The following ABCA12 variants were observed in gnomAD, a reference collection of about 807,000 sequenced individuals.
The protein encoded by ABCA12 is ATP binding cassette subfamily A member 12, also known as glucosylceramide transporter ABCA12.
A neutral mutation model predicts 293.5 loss-of-function variants in ABCA12; 156 were observed. The ratio of observed to expected loss-of-function variants is 0.53; its 90% confidence interval spans 0.47 to 0.61. ABCA12 has a LOEUF of 0.61. Ranked by LOEUF, ABCA12 falls within the 20% of genes least tolerant of loss-of-function variation. The pLI, the probability that ABCA12 is intolerant of heterozygous loss-of-function variation, is 0.00. For missense variants in ABCA12, 2,797 were observed against 3,090.2 expected (o/e 0.91, Z 2.25); for synonymous variants, 1,063 against 1,108.0 (o/e 0.96, Z 0.81).
At chr2:215,055,541 G>A (rs1345818273) in intron 3 of ABCA12, among the ~76,000 whole-genome samples, 1 of 151,922 alleles carries the variant, frequency 6.6e-6, no homozygotes, top group African/African-American at 2.4e-5. Flanking sequence ...AAAAGTTGGT[G>A]TATTTTATGT....
rs962250290 is a variant in ABCA12, at chr2:214,937,619, G to A, written c.7437-4C>T. On this transcript the variant is annotated splice_polypyrimidine_tract_variant and splice_region_variant and intron_variant, in intron 50 of 52. Coordinates refer to ENST00000272895, the MANE Select transcript of ABCA12 (RefSeq NM_173076.3). ...GACAGTAAATCCTCGTCCAAACCTA[G>A]AAAGAAAAAGTGCAAAATATGATAT... The A allele has an allele frequency of 2.5e-6, 4 of 1,610,672 alleles. No individual in the cohort carries two copies. In the South Asian group the frequency reaches 4.4e-5, roughly 18 times the overall value.
At chr2:214,963,605 C>CAAAAAAAAAAAAA (rs57895778) in intron 39 of ABCA12, among the ~76,000 whole-genome samples, 1 of 70,184 alleles carries the variant, frequency 1.4e-5, no homozygotes, top group African/African-American at 5.7e-5. Context: ...GCAGAGATAC[C>CAAAAAAAAAAAAA]AAAAAAAAAA....
At chr2:214,994,664 T>TA (rs370225236) in intron 23 of ABCA12, among the ~76,000 whole-genome samples, 35 of 152,356 alleles carry the variant, frequency 2.3e-4, no homozygotes, top group African/African-American at 8.4e-4. Context: ...TTGTTTTTTT[T>TA]AGTATGATAT....
At chr2:215,025,275 A>T (rs1320930981) in intron 11 of ABCA12, 2 of 166,640 alleles carry the variant, frequency 1.2e-5, no homozygotes, top group African/African-American at 4.8e-5. Context: ...AAAAAAAAAT[A>T]CCATTATATA....
In ABCA12 at chr2:215,000,985, G is replaced by T; in HGVS notation, c.2899C>A (p.His967Asn). 6.2e-7 allele frequency: 1 copy of T among 1,614,010 alleles called. No individual in the cohort carries two copies. Among genetic ancestry groups the T allele is most frequent in the Non-Finnish European group, 8.5e-7 (1 of 1,179,944 alleles). Reference sequence around the variant, plus strand: ...ACATTTCCAGAGTCATAGCCTCTGTGCCAGCTTCTGTTAGAAGGAAGCTTA... The same window carrying T: ...ACATTTCCAGAGTCATAGCCTCTGTTCCAGCTTCTGTTAGAAGGAAGCTTA... ...IFKLPSNRSW[H>N]RGYDSGNVFL... The change falls in exon 22 of 53, where the codon CAC becomes AAC. Residue 967 changes from histidine to asparagine, a missense_variant. Physicochemically the swap from His to Asn is moderately conservative, Grantham distance 68. This residue lies in a region of ABCA12 where 2,130 missense variants were observed against 2,427.0 expected (regional missense o/e 0.88). Transcript: ENST00000272895.
At chr2:214,978,780 A>C (rs1379372167) in intron 32 of ABCA12, 24 bp downstream of exon 32, 3 of 1,608,900 alleles carry the variant, frequency 1.9e-6, no homozygotes, top group Non-Finnish European at 2.6e-6. Context: ...AGCTTGAAGA[A>C]AAAAAAGAAA....
rs541331115 is a variant in ABCA12, at chr2:214,974,847, G to A, written c.5399C>T (p.Thr1800Met). ...CCACATTGCTGAGACAAGTGCTTCC[G>A]TGCTCGGGTGATAATTACTGCAATA... is the stretch of plus-strand genomic sequence containing the variant. ...TAFYANYHPS[T>M]EALVSAMWDF... Residue 1800 changes from threonine to methionine, a missense_variant, in exon 35 of 53, where the codon ACG (threonine) becomes ATG (methionine). Thr to Met is a moderately conservative substitution (Grantham distance 81, BLOSUM62 -1). Around this residue, in one of 3 missense-constraint regions of ABCA12, gnomAD observed 2,130 missense variants for 2,427.0 expected, o/e 0.88. Coordinates refer to ENST00000272895, the MANE Select transcript of ABCA12 (RefSeq NM_173076.3). 54 of 1,613,988 alleles carry A rather than the reference G, an allele frequency of 3.3e-5. No homozygotes were observed. Among genetic ancestry groups the A allele is most frequent in the East Asian group, 4.5e-5 (2 of 44,870 alleles).
intron 3 of ABCA12, among the ~76,000 whole-genome samples, chr2:215,055,009 A>T (rs1024124054): frequency 1.3e-5 from 2 of 152,126 alleles, no homozygotes; most frequent in African/African-American, 4.8e-5. Context: ...AACAAATGAG[A>T]ATCCAAGAGT....
chr2:215,127,053 A>T (rs924335825), intron 1 of ABCA12, among the ~76,000 whole-genome samples: 1 of 152,104 alleles, frequency 6.6e-6, no homozygotes, highest in African/African-American at 2.4e-5. Context: ...TTTTGACCCA[A>T]TGTTCATTCA....
chr2:214,950,378 A>AAC (rs1698719418), intron 45 of ABCA12, among the ~76,000 whole-genome samples: 1 of 75,770 alleles, frequency 1.3e-5, no homozygotes, highest in Non-Finnish European at 2.9e-5. Context: ...GTGTGTATAT[A>AAC]TATATCTGTG....
intron 43 of ABCA12, among the ~76,000 whole-genome samples, chr2:214,954,374 A>G (rs10171780): frequency 0.031 from 4,675 of 152,214 alleles, 249 homozygotes; most frequent in African/African-American, 0.11. Flanking sequence ...TTCTAGACCT[A>G]CCTTTAATCC....
At chr2:215,079,694 TTC>T (rs1219609169) in intron 2 of ABCA12, among the ~76,000 whole-genome samples, 1 of 139,200 alleles carries the variant, frequency 7.2e-6, no homozygotes, top group Non-Finnish European at 1.6e-5. Flanking sequence ...CATTCACAGA[TTC>T]CCCCTGGGCA....
intron 50 of ABCA12, among the ~76,000 whole-genome samples, chr2:214,941,298 T>G (rs1698393657): frequency 6.6e-6 from 1 of 152,220 alleles, no homozygotes; most frequent in East Asian, 1.9e-4. Context: ...TAAATTTGAT[T>G]GCACTGTGGT....
intron 6 of ABCA12, among the ~76,000 whole-genome samples, chr2:215,048,978 A>C (rs1205401903): frequency 6.6e-6 from 1 of 152,158 alleles, no homozygotes. Context: ...CAAAGAGGGA[A>C]ACAACCGACA....
chr2:215,098,676 A>T (rs1702293836), intron 2 of ABCA12, among the ~76,000 whole-genome samples: 1 of 152,192 alleles, frequency 6.6e-6, no homozygotes, highest in Non-Finnish European at 1.5e-5. Context: ...GACATGAGTG[A>T]CTCTGTTTGA....
At chr2:215,104,424 G>C (rs950612404) in intron 2 of ABCA12, among the ~76,000 whole-genome samples, 1 of 152,216 alleles carries the variant, frequency 6.6e-6, no homozygotes, top group African/African-American at 2.4e-5. Flanking sequence ...AGTCAGGCCA[G>C]GAGCTGGGGG....
intron 8 of ABCA12, among the ~76,000 whole-genome samples, chr2:215,035,099 C>A (rs1332779825): frequency 1.3e-5 from 2 of 152,132 alleles, no homozygotes; most frequent in African/African-American, 4.8e-5. Context: ...ACTAGTTCTG[C>A]CTTCAATGAC....
chr2:215,089,873 G>T (rs80221979), intron 2 of ABCA12, among the ~76,000 whole-genome samples: 7,772 of 152,206 alleles, frequency 0.051, 623 homozygotes, highest in African/African-American at 0.17. Flanking sequence ...CTTTGACTAA[G>T]AAGCAACTAA....
chr2:214,982,581 C>T (rs1160159322), intron 29 of ABCA12, among the ~76,000 whole-genome samples, 198 bp from the exon 30 acceptor site: 1 of 152,020 alleles, frequency 6.6e-6, no homozygotes, highest in Non-Finnish European at 1.5e-5. Context: ...AAAAAATTAA[C>T]TTTTTACAAA....
Sources: allele counts gnomAD v4.1 joint callset (sites outside exome capture counted in the v4.1 genomes callset), GRCh38; gene constraint gnomAD v4.1.1; regional missense constraint gnomAD v4.1.1; transcripts MANE v1.5; gene names NCBI Gene and HGNC (gene_info 2026-07-23, HGNC 2026-07-21).